The following CACNA1B variants were observed in gnomAD, a reference collection of about 807,000 sequenced individuals.
CACNA1B encodes the protein calcium voltage-gated channel subunit alpha1 B, also known as voltage-dependent N-type calcium channel subunit alpha-1B.
Under a neutral mutation model 247.2 loss-of-function variants are expected in CACNA1B, and 70 were observed. The observed-to-expected ratio is 0.28, with a 90% confidence interval of 0.23 to 0.35. CACNA1B has a LOEUF of 0.35. CACNA1B is among the 10% of genes least tolerant of loss of function. The probability of loss-of-function intolerance (pLI) is 1.00; values close to 1 mark genes in which losing one functional copy is unlikely to be tolerated. For synonymous variants in CACNA1B, 1,231 were observed against 1,294.4 expected (o/e 0.95, Z 1.05); for missense variants, 2,367 against 3,197.4 (o/e 0.74, Z 6.26).
At chr9:138,043,117 C>G (rs1382659981) in intron 20 of CACNA1B, among the ~76,000 whole-genome samples, 2 of 152,250 alleles carry the variant, frequency 1.3e-5, no homozygotes, top group South Asian at 2.1e-4. Flanking sequence ...CCATATTAGC[C>G]CTGGGGAGTT....
At chr9:138,076,033 G>GCTTCCCCTCAGCAGGCCTTTCTGGTT in intron 35 of CACNA1B, 123 bp downstream of exon 35, 1 of 673,304 alleles carries the variant, frequency 1.5e-6, no homozygotes, top group Admixed American at 2.2e-5. Flanking sequence ...GACCCCACTG[G>GCTTCCCCTCAGCAGGCCTTTCTGGTT]CTTCCCCTCA....
intron 34 of CACNA1B, among the ~76,000 whole-genome samples, chr9:138,074,309 T>C (rs1234844153): frequency 6.6e-6 from 1 of 151,964 alleles, no homozygotes; most frequent in Admixed American, 6.6e-5. Flanking sequence ...GGTGTGATCT[T>C]GGCTCACTGC....
At chr9:137,995,208 G>A (rs1439291307) in intron 15 of CACNA1B, among the ~76,000 whole-genome samples, 3 of 89,016 alleles carry the variant, frequency 3.4e-5, no homozygotes, top group Middle Eastern at 6.0e-3. Flanking sequence ...GTGAGACTCC[G>A]TCTCAAAAAA....
intron 20 of CACNA1B, among the ~76,000 whole-genome samples, chr9:138,039,232 A>G (rs1273329117): frequency 5.9e-5 from 9 of 151,990 alleles, no homozygotes; most frequent in Non-Finnish European, 8.8e-5. Flanking sequence ...AGAGAAAAAT[A>G]TGTCATTAAT....
At chr9:138,043,749 A>C in intron 20 of CACNA1B, 25 bp from the exon 21 acceptor site, 2 of 1,613,528 alleles carry the variant, frequency 1.2e-6, no homozygotes, top group Non-Finnish European at 1.7e-6. Context: ...TACACCCCTT[A>C]CTCGGGGGCC....
chr9:137,880,093 C>A lies in CACNA1B; in HGVS notation c.390+934C>A, dbSNP rs867554105. ...GCCTGGCTTCCGCCCCCACTAGCATCCTGAGACAAGAGCTATTCAGACTTT... is the reference window on the plus strand; with the variant it reads ...GCCTGGCTTCCGCCCCCACTAGCATACTGAGACAAGAGCTATTCAGACTTT... On this transcript the variant is annotated intron_variant, in intron 2 of 46. Coordinates refer to ENST00000371372, the MANE Select transcript of CACNA1B (RefSeq NM_000718.4). The surrounding 1 kb of genome is among the most constrained non-coding windows in gnomAD (Gnocchi z 4.8). Among the ~76,000 whole-genome samples, 5 of 152,326 alleles carry A rather than the reference C, an allele frequency of 3.3e-5. No homozygotes were observed. The highest frequency in any genetic ancestry group is 3.4e-3 in the Middle Eastern group (1 of 294).
At position 138,054,079 on chromosome 9, in the gene CACNA1B, C is replaced by T; in HGVS notation, c.3968+73C>T. The T allele has an allele frequency of 7.0e-7, 1 of 1,426,844 alleles. No homozygotes were observed. The highest frequency in any genetic ancestry group is 9.8e-7 in the Non-Finnish European group (1 of 1,015,420). The allele number at this position is 1,426,844 out of a possible 1,614,324, so 88.4% of individuals were successfully genotyped here. A position where few individuals can be genotyped will look rare whatever the true frequency, so the allele number is the denominator to read the frequency against. On this transcript the variant is annotated intron_variant, in intron 26 of 46. Transcript: ENST00000371372. This position sits in a 1 kb window ranked among gnomAD's most constrained non-coding sequence, Gnocchi z 4.6. ...GACAACACTGGGAGTTCCCTTGGGA[C>T]CAGGTGGAGCTGGTCACACGGCGTG...
At chr9:138,099,130 G>T (rs542780279) in intron 37 of CACNA1B, among the ~76,000 whole-genome samples, 1 of 152,294 alleles carries the variant, frequency 6.6e-6, no homozygotes, top group African/African-American at 2.4e-5. Context: ...CATGTGTGGT[G>T]CACAAACAGG....
rs1011440925 is a variant in CACNA1B at position 137,919,933 on chromosome 9, C to G, written c.966+2502C>G. On this transcript the variant is annotated intron_variant, in intron 6 of 46. Coordinates refer to ENST00000371372, the MANE Select transcript of CACNA1B (RefSeq NM_000718.4). This position sits in a 1 kb window ranked among gnomAD's most constrained non-coding sequence, Gnocchi z 4.6. Reference sequence around the variant, plus strand: ...TCAAATGGAGCTTTGGGAGAACACACGGATGAGCCTGGGGAGAGACGAGTC... The same window carrying G: ...TCAAATGGAGCTTTGGGAGAACACAGGGATGAGCCTGGGGAGAGACGAGTC... Among the ~76,000 whole-genome samples, 1 of 152,120 alleles carries G rather than the reference C, an allele frequency of 6.6e-6. No homozygotes were observed. Among genetic ancestry groups the G allele is most frequent in the Non-Finnish European group, 1.5e-5 (1 of 68,032 alleles).
In CACNA1B at chr9:137,877,811, G is replaced by C. The variant is rs1355915331; in HGVS notation, c.-123G>C. On this transcript the variant is annotated 5_prime_UTR_variant, in exon 1 of 47. Transcript: ENST00000371372. ...GAGGCGGCGGCGGCTGCGGCGGTGG[G>C]GCCGGGCGAGGTCCGCTGCGGTCCC... is the stretch of plus-strand genomic sequence containing the variant. The C allele has an allele frequency of 1.1e-5, 5 of 441,482 alleles. No individual in the cohort carries two copies. The highest frequency in any genetic ancestry group is 6.5e-5 in the Admixed American group (1 of 15,404). 27.3% of individuals were successfully genotyped at this position (441,482 alleles called of 1,614,324 possible). A position where few individuals can be genotyped will look rare whatever the true frequency, so the allele number is the denominator to read the frequency against.
chr9:137,961,354 C>G (rs967456971), intron 10 of CACNA1B, among the ~76,000 whole-genome samples: 9 of 152,142 alleles, frequency 5.9e-5, no homozygotes, highest in African/African-American at 1.7e-4. Context: ...TATGTAAATA[C>G]CCTTTATTTC....
In CACNA1B at chr9:138,121,415, G is replaced by A. The variant is rs911717146; in HGVS notation, c.6490-54G>A. On this transcript the variant is annotated intron_variant, in intron 46 of 46. Transcript: ENST00000371372. This position sits in a 1 kb window ranked among gnomAD's most constrained non-coding sequence, Gnocchi z 6.8. ...TGTGATGTGCTCTGTCTGTTGGTTCGGCTTTTTTTTTTTTTTTTTTACCTC... is the reference window on the plus strand; with the variant it reads ...TGTGATGTGCTCTGTCTGTTGGTTCAGCTTTTTTTTTTTTTTTTTTACCTC... 4.7e-5 allele frequency: 51 copies of A among 1,090,494 alleles called. No homozygotes were observed. The highest frequency in any genetic ancestry group is 2.1e-4 in the Middle Eastern group (1 of 4,672). 67.6% of individuals were successfully genotyped at this position (1,090,494 alleles called of 1,614,324 possible).
Position 137,888,914 on chromosome 9 carries a change from C to A in CACNA1B, c.530+6031C>A, listed in dbSNP as rs573820374. ...GAGGGTCCACCCAGGGGAGCAGCAG[C>A]CCATGTGCAAGTGTGCGGCTCAGGG... On this transcript the variant is annotated intron_variant, in intron 3 of 46. Coordinates refer to ENST00000371372, the MANE Select transcript of CACNA1B (RefSeq NM_000718.4). This position sits in a 1 kb window ranked among gnomAD's most constrained non-coding sequence, Gnocchi z 4.7. Among the ~76,000 whole-genome samples, 2 of 151,474 alleles carry A rather than the reference C, an allele frequency of 1.3e-5. No homozygotes were observed. Among genetic ancestry groups the A allele is most frequent in the African/African-American group, 2.4e-5 (1 of 41,366 alleles).
At chr9:137,967,565 G>T (rs889681024) in intron 10 of CACNA1B, among the ~76,000 whole-genome samples, 3 of 152,076 alleles carry the variant, frequency 2.0e-5, no homozygotes, top group Non-Finnish European at 2.9e-5. Flanking sequence ...CCTGTCACTC[G>T]GCTGCTCTCC....
chr9:138,114,272 T>TG (rs1420038375), intron 40 of CACNA1B, 106 bp from the exon 41 acceptor site: 5 of 650,846 alleles, frequency 7.7e-6, no homozygotes, highest in East Asian at 5.5e-5. Flanking sequence ...GGAGTCTTTG[T>TG]GGGGGGCGAG....
At chr9:137,968,779 C>CT (rs1338448608) in intron 10 of CACNA1B, among the ~76,000 whole-genome samples, 1 of 152,218 alleles carries the variant, frequency 6.6e-6, no homozygotes, top group Non-Finnish European at 1.5e-5. Flanking sequence ...AGAAAGAAAT[C>CT]TAAGTATTTG....
intron 20 of CACNA1B, among the ~76,000 whole-genome samples, chr9:138,042,251 A>AC (rs1325112162): frequency 6.6e-6 from 1 of 152,194 alleles, no homozygotes; most frequent in Non-Finnish European, 1.5e-5. Context: ...GAAGTTTGAG[A>AC]CCAGCCTGGC....
In CACNA1B at chr9:137,911,397, A is replaced by C. The variant is rs368383480; in HGVS notation, c.531-1783A>C. ...TTTATTGTCCTTTTTTTCTTTTTTTATTTTGAGATATTTATCTTTTCTTTA... is the reference window on the plus strand; with the variant it reads ...TTTATTGTCCTTTTTTTCTTTTTTTCTTTTGAGATATTTATCTTTTCTTTA... On this transcript the variant is annotated intron_variant, in intron 3 of 46. Transcript: ENST00000371372. 1.4e-3 allele frequency among the ~76,000 whole-genome samples: 217 copies of C among 151,136 alleles called. 1 individual carries two copies. The highest frequency in any genetic ancestry group is 5.1e-3 in the African/African-American group (210 of 41,184).
Position 138,012,470 on chromosome 9 carries a change from A to C in CACNA1B, c.2161-659A>C, listed in dbSNP as rs1369995876. Among the ~76,000 whole-genome samples, 1 of 152,174 alleles carries C rather than the reference A, an allele frequency of 6.6e-6. No homozygotes were observed. Among genetic ancestry groups the C allele is most frequent in the Non-Finnish European group, 1.5e-5 (1 of 68,038 alleles). On this transcript the variant is annotated intron_variant, in intron 17 of 46. Transcript: ENST00000371372. The surrounding 1 kb of genome is among the most constrained non-coding windows in gnomAD (Gnocchi z 4.2). ...GGTACAGACAAGCTGAAGGCCAGGC[A>C]TGGTAGCTAACACCTGTACTCCCAG...
Sources: allele counts gnomAD v4.1 joint callset (sites outside exome capture counted in the v4.1 genomes callset), GRCh38; gene constraint gnomAD v4.1.1; non-coding constraint Gnocchi (gnomAD v3.1); transcripts MANE v1.5; gene names NCBI Gene and HGNC (gene_info 2026-07-23, HGNC 2026-07-21).